Variants in CLINT1 observed in about 807,000 individuals in gnomAD.
CLINT1 encodes clathrin interactor 1, also known as clathrin interacting protein localized in the trans-Golgi region.
Under a neutral mutation model 70.4 loss-of-function variants are expected in CLINT1, and 15 were observed. The ratio of observed to expected loss-of-function variants is 0.21; its 90% CI spans 0.14 to 0.33. The LOEUF (loss-of-function observed/expected upper bound fraction) is 0.33, where lower values mean the gene tolerates loss of function less well. CLINT1 is among the 10% of genes least tolerant of loss of function. The probability of loss-of-function intolerance (pLI) is 1.00; values close to 1 mark genes in which losing one functional copy is unlikely to be tolerated. For missense variants in CLINT1, 615 were observed against 778.1 expected, an observed-to-expected ratio of 0.79 and a Z score of 2.49; for synonymous variants, 227 against 254.7, an observed-to-expected ratio of 0.89 and a Z score of 1.04.
intron 8 of CLINT1, among the ~76,000 whole-genome samples, chr5:157,796,593 A>G (rs1415309467): frequency 6.6e-6 from 1 of 152,154 alleles, no homozygotes; most frequent in Non-Finnish European, 1.5e-5. Flanking sequence ...GTGGGACTGG[A>G]ACATCTGGGC....
At chr5:157,845,718 A>AT (rs1299010606) in intron 1 of CLINT1, among the ~76,000 whole-genome samples, 3 of 150,214 alleles carry the variant, frequency 2.0e-5, no homozygotes, top group Non-Finnish European at 3.0e-5. Context: ...CGCCCGGCTA[A>AT]TTTTTTTTTG....
chr5:157,822,729 T>C (rs371630280), intron 1 of CLINT1, among the ~76,000 whole-genome samples: 4 of 152,312 alleles, frequency 2.6e-5, no homozygotes, highest in Non-Finnish European at 4.4e-5. Flanking sequence ...TTTTTAGAGG[T>C]AGAATTGATT....
chr5:157,793,555 C>T (rs1761979603), intron 9 of CLINT1, among the ~76,000 whole-genome samples: 2 of 152,124 alleles, frequency 1.3e-5, no homozygotes, highest in South Asian at 2.1e-4. Flanking sequence ...ACTTAGGCAA[C>T]ATTAACATAT....
chr5:157,794,984 G>A lies in CLINT1; in HGVS notation c.1013-12C>T. On this transcript the variant is annotated splice_polypyrimidine_tract_variant and intron_variant, in intron 8 of 11. Coordinates refer to ENST00000411809, the MANE Select transcript of CLINT1 (RefSeq NM_014666.4). The stretch of plus-strand genomic sequence containing the variant: ...ATCAGCTGATCCTCCTAGAAGTTAA[G>A]AAAAAGTTAAAACTGTTAGAACTAG... 1 of 1,549,282 alleles carries A rather than the reference G, an allele frequency of 6.5e-7. No homozygotes were observed. Among genetic ancestry groups the A allele is most frequent in the Non-Finnish European group, 8.7e-7 (1 of 1,145,008 alleles).
intron 1 of CLINT1, among the ~76,000 whole-genome samples, chr5:157,837,293 A>G (rs1186166747): frequency 1.3e-5 from 2 of 152,060 alleles, no homozygotes; most frequent in African/African-American, 4.8e-5. Context: ...TCTCAGCTAC[A>G]TGGGAGGTTG....
chr5:157,794,262 T>C (rs1413615578), intron 9 of CLINT1, among the ~76,000 whole-genome samples: 1 of 152,062 alleles, frequency 6.6e-6, no homozygotes, highest in Non-Finnish European at 1.5e-5. Context: ...AGCTACCATA[T>C]GGCAGGGGTA....
At chr5:157,856,026 ATTTCTT>A (rs1358462969) in intron 1 of CLINT1, among the ~76,000 whole-genome samples, 1 of 152,146 alleles carries the variant, frequency 6.6e-6, no homozygotes, top group African/African-American at 2.4e-5. Context: ...TTCAGAGTAC[ATTTCTT>A]TTTCTGAAGT....
chr5:157,856,117 T>C (rs1344472914), intron 1 of CLINT1, among the ~76,000 whole-genome samples: 1 of 152,214 alleles, frequency 6.6e-6, no homozygotes, highest in Non-Finnish European at 1.5e-5. Flanking sequence ...TTGCATAAAA[T>C]ATTTAAGTAT....
At chr5:157,846,732 G>A (rs1431943149) in intron 1 of CLINT1, among the ~76,000 whole-genome samples, 2 of 152,224 alleles carry the variant, frequency 1.3e-5, no homozygotes, top group Non-Finnish European at 2.9e-5. Context: ...TCAAAGGACA[G>A]GCTGAATCTC....
At chr5:157,814,869 C>T (rs1762668571) in intron 3 of CLINT1, among the ~76,000 whole-genome samples, 1 of 151,882 alleles carries the variant, frequency 6.6e-6, no homozygotes, top group South Asian at 2.1e-4. Flanking sequence ...CTCGTCTCTA[C>T]TAAAAATACA....
chr5:157,798,023 TA>T (rs1464663886), intron 8 of CLINT1, among the ~76,000 whole-genome samples: 1 of 152,212 alleles, frequency 6.6e-6, no homozygotes, highest in Admixed American at 6.5e-5. Flanking sequence ...TTTTTCTCTC[TA>T]ATCTTTTAAA....
At chr5:157,788,820 T>C (rs1283163194) in intron 11 of CLINT1, among the ~76,000 whole-genome samples, 2 of 151,886 alleles carry the variant, frequency 1.3e-5, no homozygotes, top group Admixed American at 1.3e-4. Flanking sequence ...ATATAAAAAT[T>C]AGCCAGGTGT....
intron 1 of CLINT1, among the ~76,000 whole-genome samples, chr5:157,845,318 C>T (rs912084269): frequency 3.9e-5 from 6 of 152,090 alleles, no homozygotes; most frequent in Admixed American, 3.9e-4. Context: ...CACTGCACTC[C>T]AGCCTGGGCG....
intron 3 of CLINT1, among the ~76,000 whole-genome samples, chr5:157,816,352 G>T (rs1031139788): frequency 2.0e-5 from 3 of 152,102 alleles, no homozygotes; most frequent in African/African-American, 7.2e-5. Flanking sequence ...AATACTGTGA[G>T]AATACTATCA....
chr5:157,828,309 T>C (rs1448287346), intron 1 of CLINT1, among the ~76,000 whole-genome samples: 1 of 151,876 alleles, frequency 6.6e-6, no homozygotes, highest in East Asian at 1.9e-4. Flanking sequence ...AAGTGAAAAA[T>C]TGTGACGTTA....
chr5:157,815,435 T>A (rs1248743432), intron 3 of CLINT1, among the ~76,000 whole-genome samples: 1 of 152,206 alleles, frequency 6.6e-6, no homozygotes, highest in Non-Finnish European at 1.5e-5. Context: ...TAGTTACTCC[T>A]ACAAAACTTT....
At chr5:157,791,049 T>G (rs1202709711) in intron 10 of CLINT1, among the ~76,000 whole-genome samples, 1 of 152,014 alleles carries the variant, frequency 6.6e-6, no homozygotes, top group Non-Finnish European at 1.5e-5. Context: ...AAACAATATC[T>G]CTATTTCTTT....
intron 1 of CLINT1, among the ~76,000 whole-genome samples, chr5:157,856,834 T>C (rs1212900424): frequency 3.3e-5 from 5 of 152,308 alleles, no homozygotes; most frequent in South Asian, 2.1e-4. Context: ...AGTAAAAAGA[T>C]AGATAATATT....
intron 3 of CLINT1, among the ~76,000 whole-genome samples, chr5:157,815,146 CACAA>C (rs1461477509): frequency 2.0e-5 from 3 of 151,428 alleles, no homozygotes; most frequent in Admixed American, 6.6e-5. Flanking sequence ...CACACACACA[CACAA>C]ATAGCTGGGT....
Sources: allele counts gnomAD v4.1 joint callset (sites outside exome capture counted in the v4.1 genomes callset), GRCh38; gene constraint gnomAD v4.1.1; transcripts MANE v1.5; gene names NCBI Gene and HGNC (gene_info 2026-07-23, HGNC 2026-07-21).